NBDY: variants seen among roughly 807,000 people sequenced by gnomAD.
The protein encoded by NBDY is negative regulator of P-body association.
intron 2 of NBDY, among the ~76,000 whole-genome samples, chrX:56,799,243 C>G (rs2069809622): frequency 8.9e-6 from 1 of 112,549 alleles, no homozygotes; most frequent in Admixed American, 9.3e-5. Flanking sequence ...ATGAGTTGCC[C>G]CACCCCAGCA....
intron 2 of NBDY, among the ~76,000 whole-genome samples, chrX:56,797,215 TCTC>T (rs1366306095): frequency 9.4e-6 from 1 of 106,268 alleles, no homozygotes; most frequent in Non-Finnish European, 1.9e-5. Flanking sequence ...TCCTCCTCCT[TCTC>T]CTTCTTCTTT....
intron 2 of NBDY, among the ~76,000 whole-genome samples, chrX:56,784,039 G>T (rs1484572575): frequency 1.8e-5 from 2 of 111,444 alleles, no homozygotes; most frequent in Admixed American, 1.9e-4. Flanking sequence ...CACCCTTATG[G>T]CTGTGGCATG....
At chrX:56,757,328 A>C (rs1035325915) in intron 2 of NBDY, among the ~76,000 whole-genome samples, 3 of 112,144 alleles carry the variant, frequency 2.7e-5, no homozygotes, top group Non-Finnish European at 5.6e-5. Context: ...TTTAAAATGC[A>C]CGTTGATTAA....
intron 2 of NBDY, among the ~76,000 whole-genome samples, chrX:56,792,632 C>T (rs1249464880): frequency 9.0e-6 from 1 of 111,445 alleles, no homozygotes; most frequent in Non-Finnish European, 1.9e-5. Flanking sequence ...AGTTAACTCA[C>T]ACTAGCAAAG....
At chrX:56,799,950 A>T (rs1293560845) in intron 2 of NBDY, among the ~76,000 whole-genome samples, 1 of 108,241 alleles carries the variant, frequency 9.2e-6, no homozygotes, top group Non-Finnish European at 1.9e-5. Flanking sequence ...AAGAAATGCT[A>T]TGCTTTTGCT....
chrX:56,811,802 A>G (rs893815806), intron 2 of NBDY, among the ~76,000 whole-genome samples: 1 of 111,283 alleles, frequency 9.0e-6, no homozygotes, highest in African/African-American at 3.3e-5. Context: ...CCACTGAGGC[A>G]TGAAAAAAAA....
chrX:56,781,371 G>C (rs1432599879), intron 2 of NBDY, among the ~76,000 whole-genome samples: 2 of 111,802 alleles, frequency 1.8e-5, no homozygotes, highest in Non-Finnish European at 3.8e-5. Flanking sequence ...GAGTGTGCGG[G>C]ATGGGGTTGA....
rs372079825 is a variant in NBDY at position 56,800,192 on chromosome X, A to G, written c.*167-17128A>G. Among the ~76,000 whole-genome samples the G allele has an allele frequency of 5.4e-5, 6 of 111,139 alleles. No individual in the cohort carries two copies. The East Asian group carries it at 1.7e-3, about 32-fold the overall frequency. On this transcript the variant is annotated intron_variant, in intron 2 of 2. Transcript: ENST00000374922. Reference sequence around the variant, plus strand: ...TGAGTGTCAGAAATCCTCATTTGTAATATTTAACTCCCATCTCATCTAACT... The same window carrying G: ...TGAGTGTCAGAAATCCTCATTTGTAGTATTTAACTCCCATCTCATCTAACT...
At chrX:56,739,510 T>C (rs2069521460) in intron 2 of NBDY, among the ~76,000 whole-genome samples, 1 of 107,550 alleles carries the variant, frequency 9.3e-6, no homozygotes, top group Admixed American at 1.0e-4. Flanking sequence ...ATATCACACA[T>C]CGACAATTGA....
At chrX:56,783,519 C>T (rs1018840945) in intron 2 of NBDY, among the ~76,000 whole-genome samples, 4 of 112,397 alleles carry the variant, frequency 3.6e-5, no homozygotes, top group Non-Finnish European at 7.5e-5. Context: ...GGTCTTCAGG[C>T]TGCCTGGCTG....
chrX:56,798,393 C>G (rs2069804481), intron 2 of NBDY, among the ~76,000 whole-genome samples: 1 of 111,682 alleles, frequency 9.0e-6, no homozygotes, highest in Non-Finnish European at 1.9e-5. Flanking sequence ...CCTCCCACCC[C>G]TGCCTGTGTG....
chrX:56,740,814 A>G (rs908416684), intron 2 of NBDY, among the ~76,000 whole-genome samples: 8 of 111,176 alleles, frequency 7.2e-5, no homozygotes, highest in African/African-American at 2.6e-4. Context: ...TGTAATAATC[A>G]CATCATGTAC....
intron 2 of NBDY, among the ~76,000 whole-genome samples, chrX:56,798,958 G>T (rs2069808185): frequency 1.8e-5 from 2 of 112,014 alleles, no homozygotes; most frequent in South Asian, 7.5e-4. Context: ...GGTTACAACT[G>T]TACTTGGCGT....
intron 2 of NBDY, among the ~76,000 whole-genome samples, chrX:56,739,511 C>T (rs1456756547): frequency 1.9e-5 from 2 of 107,488 alleles, no homozygotes; most frequent in Non-Finnish European, 1.9e-5. Context: ...TATCACACAT[C>T]GACAATTGAC....
intron 2 of NBDY, among the ~76,000 whole-genome samples, chrX:56,766,595 G>A (rs2069667013): frequency 8.9e-6 from 1 of 111,973 alleles, no homozygotes; most frequent in Non-Finnish European, 1.9e-5. Flanking sequence ...TCTTCGACAG[G>A]GGTTCGAAAT....
chrX:56,764,823 G>A (rs774271226), intron 2 of NBDY, among the ~76,000 whole-genome samples: 3 of 111,625 alleles, frequency 2.7e-5, no homozygotes, highest in African/African-American at 6.5e-5. Flanking sequence ...AGGGGTGGGG[G>A]CCACAGGGAG....
intron 2 of NBDY, among the ~76,000 whole-genome samples, chrX:56,809,841 C>G (rs750229362): frequency 4.5e-5 from 5 of 112,146 alleles, no homozygotes; most frequent in Non-Finnish European, 9.4e-5. Flanking sequence ...GCAGTTTCTT[C>G]ATCATGTTGA....
chrX:56,800,915 C>T (rs1419590325), intron 2 of NBDY, among the ~76,000 whole-genome samples: 2 of 110,879 alleles, frequency 1.8e-5, no homozygotes, highest in African/African-American at 3.3e-5. Context: ...CTCATTACCT[C>T]CTTTCTCTGG....
intron 2 of NBDY, among the ~76,000 whole-genome samples, chrX:56,787,145 G>A (rs780956938): frequency 9.0e-6 from 1 of 111,019 alleles, no homozygotes; most frequent in South Asian, 3.8e-4. Flanking sequence ...TCCATTTGCT[G>A]ACTCTCACTA....
Sources: allele counts gnomAD v4.1 joint callset (sites outside exome capture counted in the v4.1 genomes callset), GRCh38; gene constraint gnomAD v4.1.1; transcripts MANE v1.5; gene names NCBI Gene and HGNC (gene_info 2026-07-23, HGNC 2026-07-21).